The following THRA variants were observed in gnomAD, a reference collection of about 807,000 sequenced individuals.
THRA encodes the protein EAR-7.
Under a neutral mutation model 45.0 loss-of-function variants are expected in THRA, and 13 were observed. The observed-to-expected ratio is 0.29, with a 90% CI of 0.19 to 0.46. THRA has a LOEUF of 0.46. Ranked by LOEUF, THRA falls within the 20% of genes least tolerant of loss-of-function variation. THRA has a pLI of 1.00. For missense variants in THRA, 278 were observed against 556.1 expected (o/e 0.50, Z 5.03); for synonymous variants, 195 against 214.0 (o/e 0.91, Z 0.78).
chr17:40,081,306 A>C (rs1987129740), intron 4 of THRA, among the ~76,000 whole-genome samples: 1 of 151,882 alleles, frequency 6.6e-6, no homozygotes, highest in Non-Finnish European at 1.5e-5. Context: ...GTTGGAGTGC[A>C]GTGGTGCGAT....
intron 2 of THRA, 89 bp downstream of exon 2, chr17:40,074,630 C>T (rs1055547338): frequency 2.4e-5 from 34 of 1,428,488 alleles, no homozygotes; most frequent in Middle Eastern, 1.7e-4. Context: ...CGCCTTTAAG[C>T]ACCTCTGTGG....
rs1384735516 is a variant in THRA at position 40,092,296 on chromosome 17, TCCTGC to T, written c.*2845_*2849del. 1 of 132,364 alleles carries T rather than the reference TCCTGC, an allele frequency of 7.6e-6. No homozygotes were observed. Among genetic ancestry groups the T allele is most frequent in the African/African-American group, 2.8e-5 (1 of 36,126 alleles). 8.2% of individuals were successfully genotyped at this position (132,364 alleles called of 1,614,324 possible). On this transcript the variant is annotated 3_prime_UTR_variant, in exon 9 of 9. Coordinates refer to ENST00000450525, the MANE Select transcript of THRA (RefSeq NM_199334.5). ...GACCGTCCATAAGGAGGACAGTAAC[TCCTGC>T]CCTGGGAACTCCTGGGCGGGGGGGA...
chr17:40,071,636 G>C (rs569058411), intron 1 of THRA, among the ~76,000 whole-genome samples: 1 of 152,184 alleles, frequency 6.6e-6, no homozygotes, highest in Non-Finnish European at 1.5e-5. Flanking sequence ...GGCCTCCCTC[G>C]CCTCTGCAGA....
intron 4 of THRA, 51 bp from the exon 5 acceptor site, chr17:40,083,784 G>A: frequency 6.5e-7 from 1 of 1,541,038 alleles, no homozygotes; most frequent in Non-Finnish European, 8.8e-7. Context: ...GTTGGTTCAG[G>A]AAGGGGAAGC....
At chr17:40,073,899 G>T (rs1238459862) in intron 1 of THRA, among the ~76,000 whole-genome samples, 4 of 152,108 alleles carry the variant, frequency 2.6e-5, no homozygotes. Context: ...TGCTCATTAA[G>T]GGCCAGGCAT....
At chr17:40,067,115 C>G (rs1284989792) in intron 1 of THRA, among the ~76,000 whole-genome samples, 1 of 152,162 alleles carries the variant, frequency 6.6e-6, no homozygotes, top group Non-Finnish European at 1.5e-5. Context: ...GTCATGTAAT[C>G]TTTTCCTCCC....
intron 4 of THRA, among the ~76,000 whole-genome samples, chr17:40,077,901 G>A (rs1378486318): frequency 6.6e-6 from 1 of 152,022 alleles, no homozygotes; most frequent in East Asian, 1.9e-4. Flanking sequence ...GTTTCACTAT[G>A]TGGCCAGGCT....
intron 4 of THRA, among the ~76,000 whole-genome samples, chr17:40,080,103 G>A (rs781392621): frequency 6.6e-6 from 1 of 151,376 alleles, no homozygotes; most frequent in Non-Finnish European, 1.5e-5. Context: ...GAAACAGAAT[G>A]ATTTATATGT....
At position 40,089,714 on chromosome 17, in the gene THRA, G is replaced by A; in HGVS notation, c.*258G>A. 1.5e-6 allele frequency: 2 copies of A among 1,343,390 alleles called. No individual in the cohort carries two copies. Among genetic ancestry groups the A allele is most frequent in the Non-Finnish European group, 1.9e-6 (2 of 1,042,340 alleles). 83.2% of individuals were successfully genotyped at this position (1,343,390 alleles called of 1,614,324 possible). A position where few individuals can be genotyped will look rare whatever the true frequency, so the allele number is the denominator to read the frequency against. On this transcript the variant is annotated 3_prime_UTR_variant, in exon 9 of 9. Transcript: ENST00000450525. This position sits in a 1 kb window ranked among gnomAD's most constrained non-coding sequence, Gnocchi z 6.1. The stretch of plus-strand genomic sequence containing the variant: ...GGGGAGCTGTGTCCTGCAGTTCCCA[G>A]GACCCCATCCTCTCAGAAGGTAGGG...
intron 4 of THRA, among the ~76,000 whole-genome samples, chr17:40,081,187 G>T (rs8072544): frequency 4.5e-4 from 68 of 152,292 alleles, no homozygotes; most frequent in African/African-American, 1.6e-3. Flanking sequence ...GGCAGTAACA[G>T]TTCCTACCTC....
downstream of THRA, chr17:40,093,554 T>A (rs1987672877): frequency 1.8e-6 from 2 of 1,084,604 alleles, no homozygotes; most frequent in Non-Finnish European, 1.3e-6. The surrounding 1 kb of genome is among the most constrained non-coding windows in gnomAD (Gnocchi z 5.9). Context: ...ATGGCCAGAC[T>A]CCCTTGCTTT....
chr17:40,069,993 C>G (rs1986715674), intron 1 of THRA, among the ~76,000 whole-genome samples: 1 of 151,268 alleles, frequency 6.6e-6, no homozygotes, highest in East Asian at 2.0e-4. Context: ...CTCTGACCTG[C>G]AGGGGGGGTT....
intron 1 of THRA, among the ~76,000 whole-genome samples, chr17:40,066,489 C>T (rs189256788): frequency 3.9e-5 from 6 of 151,970 alleles, no homozygotes; most frequent in Non-Finnish European, 2.9e-5. Flanking sequence ...GATGGTGAAA[C>T]CCCATCTCTA....
chr17:40,089,817 C>T lies in THRA; in HGVS notation c.*361C>T. The T allele has an allele frequency of 8.8e-7, 1 of 1,131,654 alleles. No individual in the cohort carries two copies. Among genetic ancestry groups the T allele is most frequent in the South Asian group, 2.2e-5 (1 of 45,424 alleles). The allele number at this position is 1,131,654 out of a possible 1,614,324, so 70.1% of individuals were successfully genotyped here. A position where few individuals can be genotyped will look rare whatever the true frequency, so the allele number is the denominator to read the frequency against. ...GGAATGTGGGCTGGGGGAAGATGCC[C>T]TCAACTCACCCCCTACACACACATG... is the stretch of plus-strand genomic sequence containing the variant. On this transcript the variant is annotated 3_prime_UTR_variant, in exon 9 of 9. Coordinates refer to ENST00000450525, the MANE Select transcript of THRA (RefSeq NM_199334.5). This position sits in a 1 kb window ranked among gnomAD's most constrained non-coding sequence, Gnocchi z 6.1.
At chr17:40,071,837 C>T (rs1986788254) in intron 1 of THRA, among the ~76,000 whole-genome samples, 1 of 152,220 alleles carries the variant, frequency 6.6e-6, no homozygotes, top group Admixed American at 6.5e-5. Flanking sequence ...TGTATCACCC[C>T]AAAGGCCCAA....
intron 7 of THRA, chr17:40,087,093 C>G (rs1432278422): frequency 1.1e-5 from 6 of 533,750 alleles, no homozygotes; most frequent in Non-Finnish European, 1.3e-5. Flanking sequence ...GATACGTACA[C>G]AGACACACAT....
At chr17:40,076,807 C>T in intron 2 of THRA, 64 bp from the exon 3 acceptor site, 2 of 1,562,282 alleles carry the variant, frequency 1.3e-6, no homozygotes, top group Non-Finnish European at 1.8e-6. Flanking sequence ...GCATAAGCCT[C>T]TCGGATGAGA....
chr17:40,093,853 G>T, downstream of THRA: 1 of 1,479,062 alleles, frequency 6.8e-7, no homozygotes, highest in Non-Finnish European at 9.4e-7. This position sits in a 1 kb window ranked among gnomAD's most constrained non-coding sequence, Gnocchi z 5.9. Flanking sequence ...TCCATAAAAG[G>T]TGTGTTGAAT....
At chr17:40,088,146 T>C (rs1987397611) in intron 7 of THRA, 96 bp from the exon 8 acceptor site, 1 of 1,482,854 alleles carries the variant, frequency 6.7e-7, no homozygotes, top group East Asian at 2.3e-5. Flanking sequence ...CATGGGGGCC[T>C]TGCGGGCCTC....
Sources: allele counts gnomAD v4.1 joint callset (sites outside exome capture counted in the v4.1 genomes callset), GRCh38; gene constraint gnomAD v4.1.1; non-coding constraint Gnocchi (gnomAD v3.1); transcripts MANE v1.5; gene names NCBI Gene and HGNC (gene_info 2026-07-23, HGNC 2026-07-21).